CHST8: variants seen among roughly 807,000 people sequenced by gnomAD.
The protein encoded by CHST8 is carbohydrate sulfotransferase 8.
In CHST8, 10 loss-of-function variants were observed where a neutral mutation model predicts 15.0. The observed-to-expected ratio is 0.67, with a 90% CI of 0.41 to 1.13. The LOEUF (loss-of-function observed/expected upper bound fraction) is 1.13, where lower values mean the gene tolerates loss of function less well. Among genes scored for constraint, CHST8 ranks in the 50% most tolerant of loss-of-function variants. The pLI, the probability that CHST8 is intolerant of heterozygous loss-of-function variation, is 0.00. For missense variants in CHST8, 634 were observed against 608.2 expected, an observed-to-expected ratio of 1.04 and a Z score of -0.45; for synonymous variants, 259 against 256.6, an observed-to-expected ratio of 1.01 and a Z score of -0.09.
intron 3 of CHST8, among the ~76,000 whole-genome samples, chr19:33,755,565 G>A (rs1599626524): frequency 6.6e-6 from 1 of 152,230 alleles, no homozygotes; most frequent in East Asian, 1.9e-4. Flanking sequence ...CCTGCCACGC[G>A]CAGGCGTGAA....
At chr19:33,741,409 A>G (rs926936801) in intron 3 of CHST8, among the ~76,000 whole-genome samples, 7 of 152,356 alleles carry the variant, frequency 4.6e-5, no homozygotes, top group Admixed American at 3.3e-4. Context: ...TCTGCTGTCC[A>G]CTGCAAGTCA....
intron 3 of CHST8, among the ~76,000 whole-genome samples, chr19:33,746,370 C>T (rs1974313364): frequency 6.6e-6 from 1 of 152,186 alleles, no homozygotes; most frequent in Admixed American, 6.5e-5. Context: ...CCGCCCCCGG[C>T]AACCACTGAT....
At chr19:33,718,633 C>T (rs1973713598) in intron 3 of CHST8, among the ~76,000 whole-genome samples, 1 of 152,228 alleles carries the variant, frequency 6.6e-6, no homozygotes, top group Admixed American at 6.5e-5. Context: ...ACCATGGGCC[C>T]CTCTGTTTCA....
intron 3 of CHST8, among the ~76,000 whole-genome samples, chr19:33,714,286 C>G (rs112781232): frequency 0.037 from 5,581 of 152,016 alleles, 240 homozygotes; most frequent in African/African-American, 0.1. Context: ...TAAAGAAAAT[C>G]TGGTACATAT....
At chr19:33,700,689 C>G (rs1378664898) in intron 3 of CHST8, among the ~76,000 whole-genome samples, 1 of 152,164 alleles carries the variant, frequency 6.6e-6, no homozygotes, top group Admixed American at 6.5e-5. Context: ...GGGGTTCCTC[C>G]TAGGCCAGGC....
intron 1 of CHST8, among the ~76,000 whole-genome samples, chr19:33,632,448 C>T (rs942729019): frequency 6.6e-6 from 1 of 152,152 alleles, no homozygotes; most frequent in African/African-American, 2.4e-5. Flanking sequence ...AGCTGCCACA[C>T]CCAGCCAAAT....
chr19:33,706,137 G>A (rs985872844), intron 3 of CHST8, among the ~76,000 whole-genome samples: 3 of 152,164 alleles, frequency 2.0e-5, no homozygotes, highest in African/African-American at 2.4e-5. Context: ...AAGTCTTCTT[G>A]GTGACCGGAC....
chr19:33,757,385 AAGAAGAAAGAAAGAAAGAAAGAAAGAAAG>A (rs1974568739), intron 3 of CHST8, among the ~76,000 whole-genome samples: 1 of 102,540 alleles, frequency 9.8e-6, no homozygotes, highest in Non-Finnish European at 2.0e-5. Context: ...GTCTCAAAAA[AAGAAGAAAGAAAGAAAGAAAGAAAGAAAG>A]AAAGAAAGAA....
At chr19:33,741,709 A>ATT (rs372516086) in intron 3 of CHST8, among the ~76,000 whole-genome samples, 1 of 145,228 alleles carries the variant, frequency 6.9e-6, no homozygotes, top group African/African-American at 2.5e-5. Flanking sequence ...AGTCCTGTGG[A>ATT]TTTTTTTTTT....
At chr19:33,752,005 C>T (rs1439057432) in intron 3 of CHST8, among the ~76,000 whole-genome samples, 1 of 152,208 alleles carries the variant, frequency 6.6e-6, no homozygotes, top group East Asian at 1.9e-4. Context: ...GCTTGGCCAG[C>T]CATTCAGACC....
intron 3 of CHST8, among the ~76,000 whole-genome samples, chr19:33,716,562 C>T (rs1973669188): frequency 6.6e-6 from 1 of 152,120 alleles, no homozygotes. Context: ...GAGACAAGGT[C>T]TTACTCTGTT....
intron 3 of CHST8, among the ~76,000 whole-genome samples, chr19:33,724,218 C>T (rs1973851261): frequency 6.6e-6 from 1 of 152,164 alleles, no homozygotes; most frequent in African/African-American, 2.4e-5. Context: ...CCGGTTACCC[C>T]ACACCCAGGC....
At chr19:33,637,989 C>T (rs1044396838) in intron 1 of CHST8, among the ~76,000 whole-genome samples, 4 of 151,848 alleles carry the variant, frequency 2.6e-5, no homozygotes, top group East Asian at 2.0e-4. Context: ...ATAAAGGCTG[C>T]GCCCAAATGA....
At chr19:33,688,572 G>A (rs142553862) in intron 2 of CHST8, among the ~76,000 whole-genome samples, 1,818 of 152,236 alleles carry the variant, frequency 0.012, 18 homozygotes, top group Middle Eastern at 0.024. Context: ...ACTGACATAC[G>A]CCAACCCATC....
chr19:33,689,517 C>G (rs1197327974), intron 3 of CHST8, 126 bp downstream of exon 3: 5 of 1,140,714 alleles, frequency 4.4e-6, no homozygotes, highest in Non-Finnish European at 4.8e-6. Context: ...AGACCCCCGG[C>G]AGGCAGAGTC....
chr19:33,771,614 T>C (rs866764582), intron 4 of CHST8, among the ~76,000 whole-genome samples, 164 bp downstream of exon 4: 2 of 152,112 alleles, frequency 1.3e-5, no homozygotes, highest in Non-Finnish European at 1.5e-5. Context: ...TCTGGACCCA[T>C]GAATTTTCCC....
rs569275523 is a variant in CHST8 at position 33,704,173 on chromosome 19, G to A, written c.130+14782G>A. Among the ~76,000 whole-genome samples, 39 of 152,336 alleles carry A rather than the reference G, an allele frequency of 2.6e-4. No individual in the cohort carries two copies. The South Asian group carries it at 7.9e-3, about 31-fold the overall frequency. On this transcript the variant is annotated intron_variant, in intron 3 of 4. Transcript: ENST00000650847. ...CTTGGTTTTCCACCAGGGCGGGACTGCAGGGATGATGATCCGTGAGCCCCT... is the reference window on the plus strand; with the variant it reads ...CTTGGTTTTCCACCAGGGCGGGACTACAGGGATGATGATCCGTGAGCCCCT...
In CHST8 at chr19:33,702,991, T is replaced by TACACCTCCCCCACCTCTGTTCCC. The variant is rs1251465913; in HGVS notation, c.130+13602_130+13624dup. ...GACTTCTTTTCCCTCCTCCTGTGCCTACACCTCCCCCACCTCTGTTCCCAT... is the reference window on the plus strand; with the variant it reads ...GACTTCTTTTCCCTCCTCCTGTGCCTACACCTCCCCCACCTCTGTTCCCACACCTCCCCCACCTCTGTTCCCAT... On this transcript the variant is annotated intron_variant, in intron 3 of 4. Transcript: ENST00000650847. Among the ~76,000 whole-genome samples, 12 of 152,310 alleles carry TACACCTCCCCCACCTCTGTTCCC rather than the reference T, an allele frequency of 7.9e-5. No individual in the cohort carries two copies. The East Asian group carries it at 2.3e-3, about 29-fold the overall frequency.
intron 3 of CHST8, among the ~76,000 whole-genome samples, chr19:33,741,000 T>C (rs1974177520): frequency 6.6e-6 from 1 of 152,220 alleles, no homozygotes; most frequent in African/African-American, 2.4e-5. Context: ...GAGCTGTCCG[T>C]GGTTCTGAAA....
Sources: allele counts gnomAD v4.1 joint callset (sites outside exome capture counted in the v4.1 genomes callset), GRCh38; gene constraint gnomAD v4.1.1; transcripts MANE v1.5; gene names NCBI Gene and HGNC (gene_info 2026-07-23, HGNC 2026-07-21).